Variants in SSH2 observed in about 807,000 individuals in gnomAD.
The protein encoded by SSH2 is slingshot protein phosphatase 2.
Under a neutral mutation model 135.2 loss-of-function variants are expected in SSH2, and 37 were observed. That is an observed-to-expected ratio of 0.27 (90% confidence interval 0.21 to 0.36). The LOEUF is 0.36. Ranked by LOEUF, SSH2 falls within the 10% of genes least tolerant of loss-of-function variation. The pLI, the probability that SSH2 is intolerant of heterozygous loss-of-function variation, is 1.00. For missense variants in SSH2, 1,408 were observed against 1,765.3 expected (o/e 0.80, Z 3.63); for synonymous variants, 628 against 646.2 (o/e 0.97, Z 0.43).
chr17:29,674,041 G>T, intron 8 of SSH2: 1 of 456,378 alleles, frequency 2.2e-6, no homozygotes, highest in Non-Finnish European at 4.4e-6. Context: ...GAGTTACTAG[G>T]ACAAAGATCA....
intron 1 of SSH2, among the ~76,000 whole-genome samples, chr17:29,904,988 G>T (rs1004578416): frequency 9.9e-5 from 15 of 152,186 alleles, no homozygotes; most frequent in African/African-American, 3.6e-4. Flanking sequence ...ACTGCTCAAA[G>T]AAATCAGAGA....
chr17:29,727,082 A>G (rs2040026511), intron 3 of SSH2, among the ~76,000 whole-genome samples: 1 of 152,206 alleles, frequency 6.6e-6, no homozygotes, highest in Admixed American at 6.5e-5. Context: ...TTAGGGAGGA[A>G]CAGCTGCAGA....
chr17:29,635,715 G>A (rs187564973), intron 15 of SSH2, among the ~76,000 whole-genome samples: 1 of 152,198 alleles, frequency 6.6e-6, no homozygotes, highest in Non-Finnish European at 1.5e-5. Flanking sequence ...GTCATCTTTG[G>A]ACTTCTCGTT....
At chr17:29,765,358 T>C (rs74818730) in intron 3 of SSH2, among the ~76,000 whole-genome samples, 9,370 of 152,272 alleles carry the variant, frequency 0.062, 568 homozygotes, top group African/African-American at 0.16. Flanking sequence ...TTTGGCTCAG[T>C]ACTTGGCACT....
At chr17:29,928,594 C>T in intron 1 of SSH2, 3 of 398,558 alleles carry the variant, frequency 7.5e-6, no homozygotes, top group Non-Finnish European at 1.3e-5. Context: ...TCTGAAACAA[C>T]ACAAGATATA....
intron 1 of SSH2, among the ~76,000 whole-genome samples, chr17:29,903,296 A>G (rs1374923073): frequency 6.7e-6 from 1 of 148,240 alleles, no homozygotes; most frequent in Non-Finnish European, 1.5e-5. Flanking sequence ...ATATATATAT[A>G]TAAATTAAAA....
At chr17:29,889,888 G>A (rs1462899552) in intron 1 of SSH2, among the ~76,000 whole-genome samples, 1 of 150,666 alleles carries the variant, frequency 6.6e-6, no homozygotes, top group Non-Finnish European at 1.5e-5. Flanking sequence ...GAGCCCAGGA[G>A]TGTGAGGCTG....
intron 2 of SSH2, among the ~76,000 whole-genome samples, chr17:29,843,210 T>C (rs983510170): frequency 2.0e-5 from 3 of 152,184 alleles, no homozygotes; most frequent in Non-Finnish European, 2.9e-5. Context: ...TTTTTGCTTA[T>C]AATCTCTAGA....
chr17:29,850,939 C>T (rs1305936491), intron 1 of SSH2, among the ~76,000 whole-genome samples: 1 of 152,054 alleles, frequency 6.6e-6, no homozygotes, highest in African/African-American at 2.4e-5. Flanking sequence ...GAGCCGAGAT[C>T]GCGCCACTGC....
At chr17:29,689,931 T>C (rs536224736) in intron 5 of SSH2, among the ~76,000 whole-genome samples, 118 of 148,750 alleles carry the variant, frequency 7.9e-4, no homozygotes, top group African/African-American at 2.9e-3. Context: ...TGAGAATCAG[T>C]TGAACCCAGG....
chr17:29,840,505 G>T (rs1449440582), intron 2 of SSH2, among the ~76,000 whole-genome samples: 1 of 152,144 alleles, frequency 6.6e-6, no homozygotes, highest in African/African-American at 2.4e-5. Flanking sequence ...AATATTTTTG[G>T]CCTTTCAATA....
chr17:29,655,490 T>C, intron 12 of SSH2, 71 bp downstream of exon 12: 1 of 1,401,608 alleles, frequency 7.1e-7, no homozygotes, highest in Admixed American at 1.7e-5. Flanking sequence ...GATACCTCTT[T>C]GATGGGAAAA....
chr17:29,690,281 G>A lies in SSH2; in HGVS notation c.357+5178C>T, dbSNP rs181340842. Among the ~76,000 whole-genome samples the A allele has an allele frequency of 2.3e-3, 350 of 149,848 alleles. 1 individual carries two copies. Among genetic ancestry groups the A allele is most frequent in the African/African-American group, 8.3e-3 (341 of 40,878 alleles). ...TTAGCCAGGCGTGGTGGCGCATGCC[G>A]GTAATCCCAGCTACTCAGGAGGCTG... On this transcript the variant is annotated intron_variant, in intron 5 of 15. Coordinates refer to ENST00000540801, the MANE Select transcript of SSH2 (RefSeq NM_001282129.2).
intron 2 of SSH2, among the ~76,000 whole-genome samples, chr17:29,845,671 C>G (rs74551891): frequency 2.6e-5 from 4 of 151,276 alleles, no homozygotes; most frequent in African/African-American, 4.9e-5. Context: ...CATATCCTTC[C>G]GCCTTAGCCT....
At chr17:29,852,110 C>T (rs1056059988) in intron 1 of SSH2, among the ~76,000 whole-genome samples, 2 of 151,690 alleles carry the variant, frequency 1.3e-5, no homozygotes, top group South Asian at 2.1e-4. Context: ...GGTGAAAACC[C>T]GTCTCTACTA....
At chr17:29,862,753 T>G (rs968872523) in intron 1 of SSH2, among the ~76,000 whole-genome samples, 1 of 152,244 alleles carries the variant, frequency 6.6e-6, no homozygotes, top group Non-Finnish European at 1.5e-5. Flanking sequence ...ATTGCTGCTC[T>G]TCACTCATTG....
intron 2 of SSH2, 57 bp from the exon 3 acceptor site, chr17:29,793,994 T>C (rs2042116805): frequency 8.0e-7 from 1 of 1,244,476 alleles, no homozygotes; most frequent in Non-Finnish European, 1.2e-6. Context: ...TATCATAATA[T>C]CACTAATATA....
intron 2 of SSH2, among the ~76,000 whole-genome samples, chr17:29,819,756 A>G (rs2042620369): frequency 1.3e-5 from 2 of 152,210 alleles, no homozygotes; most frequent in South Asian, 4.1e-4. Context: ...GGAGTCACAG[A>G]ATTGAATACT....
intron 3 of SSH2, among the ~76,000 whole-genome samples, chr17:29,714,113 G>C (rs1159659071): frequency 6.6e-6 from 1 of 151,982 alleles, no homozygotes; most frequent in Non-Finnish European, 1.5e-5. Flanking sequence ...TTTCAAAATG[G>C]AAAAATTTAA....
Sources: gnomAD v4.1 joint callset for allele counts (sites outside exome capture counted in the v4.1 genomes callset) on GRCh38, gnomAD v4.1.1 for gene constraint, MANE v1.5 for transcripts, NCBI Gene and HGNC (gene_info 2026-07-23, HGNC 2026-07-21) for gene names.